WWOX: variants seen among roughly 807,000 people sequenced by gnomAD.
The protein encoded by WWOX is WW domain containing oxidoreductase.
In WWOX, 69 loss-of-function variants were observed where a neutral mutation model predicts 46.2. The ratio of observed to expected loss-of-function variants is 1.49; its 90% confidence interval spans 1.23 to 1.82. The LOEUF (loss-of-function observed/expected upper bound fraction) is 1.82. WWOX is among the 40% of genes most tolerant of loss of function. WWOX has a pLI of 0.00. For synonymous variants in WWOX, 359 were observed against 202.6 expected, an observed-to-expected ratio of 1.77 and a Z score of -6.56; for missense variants, 919 against 542.6, an observed-to-expected ratio of 1.69 and a Z score of -6.89.
intron 8 of WWOX, among the ~76,000 whole-genome samples, chr16:78,927,058 A>G (rs1466947686): frequency 2.0e-5 from 3 of 152,176 alleles, no homozygotes; most frequent in Non-Finnish European, 4.4e-5. Flanking sequence ...GGCCTCCCAA[A>G]TTGCTGGAAT....
intron 8 of WWOX, among the ~76,000 whole-genome samples, chr16:78,613,410 C>T (rs896843822): frequency 5.3e-5 from 8 of 152,256 alleles, no homozygotes; most frequent in East Asian, 3.9e-4. Context: ...TACAAGGCCC[C>T]TCCTGAAACC....
chr16:79,028,474 G>T (rs1035022001), intron 8 of WWOX, among the ~76,000 whole-genome samples: 2 of 151,736 alleles, frequency 1.3e-5, no homozygotes, highest in African/African-American at 4.9e-5. Context: ...TGATAAAAAA[G>T]CACAAATTGT....
chr16:78,900,646 G>A (rs766007125), intron 8 of WWOX, among the ~76,000 whole-genome samples: 4 of 152,004 alleles, frequency 2.6e-5, no homozygotes, highest in Non-Finnish European at 4.4e-5. Context: ...TTTCCTCTTT[G>A]GTTGCTTTGT....
intron 8 of WWOX, among the ~76,000 whole-genome samples, chr16:78,548,982 G>T (rs1171454720): frequency 6.6e-6 from 1 of 152,158 alleles, no homozygotes; most frequent in Non-Finnish European, 1.5e-5. Context: ...ACAGATGGAT[G>T]GGTTGGTGTA....
chr16:79,143,563 C>A (rs886759411), intron 8 of WWOX, among the ~76,000 whole-genome samples: 2 of 152,092 alleles, frequency 1.3e-5, no homozygotes, highest in African/African-American at 4.8e-5. Context: ...ATGATTTACT[C>A]AGATCCGTTA....
intron 8 of WWOX, among the ~76,000 whole-genome samples, chr16:78,645,794 C>G (rs761718752): frequency 1.3e-5 from 2 of 152,170 alleles, no homozygotes; most frequent in African/African-American, 2.4e-5. Context: ...GACATCCAAA[C>G]TATAGCAGGG....
intron 8 of WWOX, among the ~76,000 whole-genome samples, chr16:78,635,229 A>G (rs537900932): frequency 2.0e-5 from 3 of 152,246 alleles, no homozygotes; most frequent in South Asian, 2.1e-4. Flanking sequence ...TTAGAATTAG[A>G]TGCGTGAGAC....
intron 5 of WWOX, among the ~76,000 whole-genome samples, chr16:78,300,693 A>G (rs1027609926): frequency 2.6e-5 from 4 of 152,216 alleles, no homozygotes; most frequent in Admixed American, 6.5e-5. Context: ...CAGCTATGCC[A>G]TAAATTTAAA....
At chr16:78,728,690 C>G (rs2048893354) in intron 8 of WWOX, among the ~76,000 whole-genome samples, 1 of 152,184 alleles carries the variant, frequency 6.6e-6, no homozygotes, top group Admixed American at 6.5e-5. Flanking sequence ...AACCACAGGT[C>G]TACATGATCT....
intron 8 of WWOX, among the ~76,000 whole-genome samples, chr16:79,124,827 T>G (rs1484148551): frequency 6.6e-6 from 1 of 152,214 alleles, no homozygotes; most frequent in Admixed American, 6.5e-5. Flanking sequence ...CTGGACTCTG[T>G]TCCCTAAAGG....
chr16:78,997,116 G>C (rs954284061), intron 8 of WWOX, among the ~76,000 whole-genome samples: 15 of 151,920 alleles, frequency 9.9e-5, no homozygotes, highest in Non-Finnish European at 2.2e-4. Context: ...CTTCAATGTA[G>C]ACATATGTTC....
intron 8 of WWOX, among the ~76,000 whole-genome samples, chr16:79,202,161 G>C (rs2051367358): frequency 6.6e-6 from 1 of 152,174 alleles, no homozygotes; most frequent in Non-Finnish European, 1.5e-5. Flanking sequence ...GATCGTGCCA[G>C]ACATTATATG....
At chr16:78,653,760 A>C (rs540718698) in intron 8 of WWOX, among the ~76,000 whole-genome samples, 2 of 152,218 alleles carry the variant, frequency 1.3e-5, no homozygotes, top group Non-Finnish European at 2.9e-5. Flanking sequence ...CTGGTCATGA[A>C]ATAAGCTGTT....
At chr16:78,295,104 G>A (rs1333220118) in intron 5 of WWOX, among the ~76,000 whole-genome samples, 1 of 152,112 alleles carries the variant, frequency 6.6e-6, no homozygotes, top group Non-Finnish European at 1.5e-5. Flanking sequence ...AAATCTTGGA[G>A]GAAATCCAGG....
intron 8 of WWOX, among the ~76,000 whole-genome samples, chr16:78,989,819 A>AGTGTGTGTTT (rs2046848214): frequency 2.4e-5 from 1 of 42,340 alleles, no homozygotes; most frequent in Non-Finnish European, 6.9e-5. Flanking sequence ...GTGGTGTGTG[A>AGTGTGTGTTT]GCGTGTGTGT....
At chr16:78,151,432 C>T (rs1288194627) in intron 4 of WWOX, among the ~76,000 whole-genome samples, 2 of 152,070 alleles carry the variant, frequency 1.3e-5, no homozygotes, top group Non-Finnish European at 2.9e-5. Context: ...ATGACAATGA[C>T]ACTTTATAGG....
intron 8 of WWOX, among the ~76,000 whole-genome samples, chr16:78,932,803 C>T (rs2045652755): frequency 6.6e-6 from 1 of 152,178 alleles, no homozygotes. Context: ...CCAAGCCCCT[C>T]CTGTAGAACA....
At chr16:78,844,003 C>T (rs1264958598) in intron 8 of WWOX, among the ~76,000 whole-genome samples, 2 of 152,224 alleles carry the variant, frequency 1.3e-5, no homozygotes, top group East Asian at 3.9e-4. Flanking sequence ...ATTCAACATG[C>T]TCTGAGAATA....
In WWOX at chr16:78,577,696, C is replaced by G. The variant is rs180750575; in HGVS notation, c.1056+144944C>G. On this transcript the variant is annotated intron_variant, in intron 8 of 8. Coordinates refer to ENST00000566780, the MANE Select transcript of WWOX (RefSeq NM_016373.4). ...AGACCTTCTGGACAATTCCCCAATT[C>G]ATAGCTCTGGGAGACAGTGTGTTGA... Among the ~76,000 whole-genome samples, 262 of 152,320 alleles carry G rather than the reference C, an allele frequency of 1.7e-3. 1 individual carries two copies. Among genetic ancestry groups the G allele is most frequent in the African/African-American group, 5.8e-3 (242 of 41,574 alleles).
Sources: gnomAD v4.1 joint callset for allele counts (sites outside exome capture counted in the v4.1 genomes callset) on GRCh38, gnomAD v4.1.1 for gene constraint, MANE v1.5 for transcripts, NCBI Gene and HGNC (gene_info 2026-07-23, HGNC 2026-07-21) for gene names.